ZNF710: variants seen among roughly 807,000 people sequenced by gnomAD.
The protein encoded by ZNF710 is zinc finger protein 710.
Under a neutral mutation model 50.6 loss-of-function variants are expected in ZNF710, and 13 were observed. The observed-to-expected ratio is 0.26, with a 90% CI of 0.17 to 0.41. The LOEUF (loss-of-function observed/expected upper bound fraction) is 0.41, where lower values mean the gene tolerates loss of function less well. Ranked by LOEUF, ZNF710 falls within the 10% of genes least tolerant of loss-of-function variation. ZNF710 has a pLI of 1.00. For missense variants in ZNF710, 721 were observed against 936.6 expected (o/e 0.77, Z 3.01); for synonymous variants, 383 against 397.0 (o/e 0.96, Z 0.42).
chr15:90,057,005 C>T (rs1899840138), intron 1 of ZNF710, among the ~76,000 whole-genome samples: 1 of 152,128 alleles, frequency 6.6e-6, no homozygotes, highest in African/African-American at 2.4e-5. Context: ...CTTGGGCTCT[C>T]CTCAGACACC....
chr15:90,048,156 C>T (rs1204576344), intron 1 of ZNF710, among the ~76,000 whole-genome samples: 1 of 152,266 alleles, frequency 6.6e-6, no homozygotes, highest in African/African-American at 2.4e-5. Context: ...AGAGCCCACA[C>T]AGGTGCTGCC....
At position 90,081,015 on chromosome 15, in the gene ZNF710, A is replaced by G. The variant is rs1034526019; in HGVS notation, c.*1186A>G. On this transcript the variant is annotated 3_prime_UTR_variant, in exon 5 of 5. Coordinates refer to ENST00000268154, the MANE Select transcript of ZNF710 (RefSeq NM_198526.4). The stretch of plus-strand genomic sequence containing the variant: ...CCTGGCCGGGCAGGACTGGGGCTCC[A>G]TGGGGACTGTCACCCTGGCCCTGGA... 1 of 152,106 alleles carries G rather than the reference A, an allele frequency of 6.6e-6. No individual in the cohort carries two copies. The highest frequency in any genetic ancestry group is 2.4e-5 in the African/African-American group (1 of 41,420). The allele number at this position is 152,106 out of a possible 1,614,324, so 9.4% of individuals were successfully genotyped here.
chr15:90,047,207 C>T (rs1469120718), intron 1 of ZNF710, among the ~76,000 whole-genome samples: 1 of 152,210 alleles, frequency 6.6e-6, no homozygotes, highest in East Asian at 1.9e-4. Context: ...GTCGATTCTC[C>T]CCTAAGAACT....
chr15:90,015,595 C>CTTT (rs35261596), intron 1 of ZNF710, among the ~76,000 whole-genome samples: 5 of 136,830 alleles, frequency 3.7e-5, no homozygotes, highest in African/African-American at 8.0e-5. Context: ...CAATGCAATT[C>CTTT]TTTTTTTTTT....
At chr15:90,074,348 G>A (rs778066192) in intron 4 of ZNF710, 58 bp downstream of exon 4, 1 of 1,600,904 alleles carries the variant, frequency 6.2e-7, no homozygotes, top group Non-Finnish European at 8.5e-7. Flanking sequence ...ACGCACTCAG[G>A]AGCCTCCTGC....
intron 1 of ZNF710, among the ~76,000 whole-genome samples, chr15:90,024,508 C>T (rs182972300): frequency 6.6e-6 from 1 of 152,248 alleles, no homozygotes; most frequent in Non-Finnish European, 1.5e-5. Context: ...AGGAAGACCC[C>T]GGTGCAAGAT....
chr15:90,038,707 C>CTGTGTGTGTGCG (rs1899204690), intron 1 of ZNF710, among the ~76,000 whole-genome samples: 1 of 143,580 alleles, frequency 7.0e-6, no homozygotes, highest in Non-Finnish European at 1.5e-5. Context: ...CCTCCCTGCT[C>CTGTGTGTGTGCG]TGTGTGTGTG....
chr15:90,008,453 T>TACATATATATATATATATATAC (rs1898208603), intron 1 of ZNF710, among the ~76,000 whole-genome samples: 1 of 127,942 alleles, frequency 7.8e-6, no homozygotes, highest in African/African-American at 3.6e-5. Flanking sequence ...TATATATATA[T>TACATATATATATATATATATAC]GTATATATAT....
intron 1 of ZNF710, among the ~76,000 whole-genome samples, chr15:90,005,714 C>T (rs777093288): frequency 6.6e-6 from 1 of 152,220 alleles, no homozygotes; most frequent in Non-Finnish European, 1.5e-5. Flanking sequence ...TCCCAAAGTG[C>T]TGGGATTACA....
In ZNF710 at chr15:90,059,362, C is replaced by G. The variant is rs146422740; in HGVS notation, c.-28-7748C>G. On this transcript the variant is annotated intron_variant, in intron 1 of 4. Coordinates refer to ENST00000268154, the MANE Select transcript of ZNF710 (RefSeq NM_198526.4). The surrounding 1 kb of genome is among the most constrained non-coding windows in gnomAD (Gnocchi z 4.1). ...CAAAAGGCTGTGGGGGCTGCGGGGC[C>G]GGAGACCTGCATTCTAGCCCTTGCT... 6.6e-6 allele frequency among the ~76,000 whole-genome samples: 1 copy of G among 152,228 alleles called. No individual in the cohort carries two copies. Among genetic ancestry groups the G allele is most frequent in the Non-Finnish European group, 1.5e-5 (1 of 68,044 alleles).
At position 90,067,200 on chromosome 15, in the gene ZNF710, G is replaced by A. The variant is rs778512966; in HGVS notation, c.63G>A (p.Gln21=). The A allele has an allele frequency of 6.2e-6, 10 of 1,613,676 alleles. No homozygotes were observed. Among genetic ancestry groups the A allele is most frequent in the Non-Finnish European group, 8.5e-7 (1 of 1,179,876 alleles). Residue 21 remains glutamine, a synonymous_variant, in exon 2 of 5, where the codon CAG becomes CAA. Transcript: ENST00000268154. The surrounding 1 kb of genome is among the most constrained non-coding windows in gnomAD (Gnocchi z 8.1). ...TDAVVVLSLA[Q]AAVLGLVSEN... is the part of the protein sequence containing the mutation. ...CCGTGGTGGTGCTGTCCTTGGCTCA[G>A]GCCGCCGTGCTTGGCCTGGTCTCCG...
At chr15:90,064,608 C>T (rs1900111120) in intron 1 of ZNF710, among the ~76,000 whole-genome samples, 1 of 152,214 alleles carries the variant, frequency 6.6e-6, no homozygotes, top group Non-Finnish European at 1.5e-5. Context: ...CTGCCTCAGA[C>T]TCCCAAGCAG....
chr15:90,066,897 G>C (rs977289803), intron 1 of ZNF710, among the ~76,000 whole-genome samples: 8 of 152,184 alleles, frequency 5.3e-5, no homozygotes, highest in African/African-American at 1.9e-4. Flanking sequence ...CTTACCCCAG[G>C]ATCTCCCAGG....
At chr15:90,055,015 G>A (rs1455927483) in intron 1 of ZNF710, among the ~76,000 whole-genome samples, 3 of 152,198 alleles carry the variant, frequency 2.0e-5, no homozygotes, top group Non-Finnish European at 4.4e-5. Flanking sequence ...TTCTATCTGT[G>A]TACTCTGCTA....
At chr15:90,020,486 CCG>C (rs35522087) in intron 1 of ZNF710, among the ~76,000 whole-genome samples, 75,580 of 150,058 alleles carry the variant, frequency 0.5, 19,690 homozygotes, top group Non-Finnish European at 0.57. Context: ...AACTGCCTCC[CCG>C]CCCCCGGGGA....
At chr15:90,073,989 CAAAAAAAAAACAAAAA>C in intron 3 of ZNF710, 111 bp from the exon 4 acceptor site, 1 of 701,356 alleles carries the variant, frequency 1.4e-6, no homozygotes. Flanking sequence ...GAGTCTGTCT[CAAAAAAAAAACAAAAA>C]AAAAAAACAA....
intron 1 of ZNF710, among the ~76,000 whole-genome samples, chr15:90,064,017 G>T (rs1419835646): frequency 6.6e-6 from 1 of 152,250 alleles, no homozygotes; most frequent in Admixed American, 6.5e-5. Context: ...CCAGGGCCAA[G>T]GGGGAAGCAC....
At chr15:90,051,101 T>G (rs889707849) in intron 1 of ZNF710, among the ~76,000 whole-genome samples, 8 of 151,796 alleles carry the variant, frequency 5.3e-5, no homozygotes, top group Non-Finnish European at 1.2e-4. Context: ...TAGCCGGGTG[T>G]GGTGACACAT....
At chr15:90,060,935 C>T (rs1899987739) in intron 1 of ZNF710, among the ~76,000 whole-genome samples, 1 of 152,174 alleles carries the variant, frequency 6.6e-6, no homozygotes, top group African/African-American at 2.4e-5. Flanking sequence ...CCTGGTGATT[C>T]AAGGCCAAGA....
Sources: allele counts gnomAD v4.1 joint callset (sites outside exome capture counted in the v4.1 genomes callset), GRCh38; gene constraint gnomAD v4.1.1; non-coding constraint Gnocchi (gnomAD v3.1); transcripts MANE v1.5; gene names NCBI Gene and HGNC (gene_info 2026-07-23, HGNC 2026-07-21).